The following NCAPH variants were observed in gnomAD, a reference collection of about 807,000 sequenced individuals.
NCAPH encodes the protein condensin complex subunit 2.
A neutral mutation model predicts 85.5 loss-of-function variants in NCAPH; 38 were observed. That is an observed-to-expected ratio of 0.44 (90% CI 0.34 to 0.58). The LOEUF (loss-of-function observed/expected upper bound fraction) is 0.58. Ranked by LOEUF, NCAPH falls within the 20% of genes least tolerant of loss-of-function variation. NCAPH has a pLI of 0.01. For synonymous variants in NCAPH, 301 were observed against 335.1 expected, an observed-to-expected ratio of 0.90 and a Z score of 1.11; for missense variants, 789 against 916.6, an observed-to-expected ratio of 0.86 and a Z score of 1.80.
rs1389807349 is a variant in NCAPH at position 96,371,529 on chromosome 2, G to A, written c.2167-1763G>A. ...GGCTTCACTGAGGTCGTGCTGCTCC[G>A]ACTCCAGCTCTGCACCCCTGCTCTC... On this transcript the variant is annotated intron_variant, in intron 17 of 17. Transcript: ENST00000240423. Among the ~76,000 whole-genome samples the A allele has an allele frequency of 2.6e-5, 4 of 152,188 alleles. No individual in the cohort carries two copies. The East Asian group carries it at 5.8e-4, about 22-fold the overall frequency.
intron 1 of NCAPH, among the ~76,000 whole-genome samples, chr2:96,339,102 C>T (rs62153905): frequency 0.25 from 38,516 of 152,188 alleles, 5,800 homozygotes; most frequent in South Asian, 0.63. Context: ...TGAACCACCG[C>T]GCCCAGCCAC....
intron 1 of NCAPH, among the ~76,000 whole-genome samples, chr2:96,336,525 G>A (rs2064216788): frequency 6.6e-6 from 1 of 152,326 alleles, no homozygotes; most frequent in South Asian, 2.1e-4. Context: ...CCTGGCCTAG[G>A]ACCTGACCAG....
intron 13 of NCAPH, 34 bp from the exon 14 acceptor site, chr2:96,365,842 G>A (rs376416392): frequency 2.0e-5 from 32 of 1,611,588 alleles, no homozygotes; most frequent in East Asian, 8.9e-5. Context: ...CCTCTGCAGC[G>A]TCCACCAAAC....
At chr2:96,338,653 A>C (rs2064248225) in intron 1 of NCAPH, among the ~76,000 whole-genome samples, 2 of 152,180 alleles carry the variant, frequency 1.3e-5, no homozygotes, top group Admixed American at 1.3e-4. Flanking sequence ...GTGATGACAG[A>C]ACAAGAGGTT....
At chr2:96,355,370 A>G (rs1229190840) in intron 9 of NCAPH, among the ~76,000 whole-genome samples, 4 of 152,154 alleles carry the variant, frequency 2.6e-5, no homozygotes, top group African/African-American at 9.7e-5. Flanking sequence ...GATTGGGGAC[A>G]GCCAAGCTGG....
chr2:96,357,132 G>A (rs1425773208), intron 9 of NCAPH, among the ~76,000 whole-genome samples: 5 of 152,190 alleles, frequency 3.3e-5, no homozygotes, highest in South Asian at 4.1e-4. Context: ...CCTACTTCAC[G>A]CATGCGAGAA....
intron 12 of NCAPH, among the ~76,000 whole-genome samples, chr2:96,362,161 A>T (rs1245982557): frequency 1.3e-5 from 2 of 151,964 alleles, no homozygotes; most frequent in African/African-American, 4.8e-5. Flanking sequence ...CTGAGGCTAT[A>T]GTAAGCTATG....
chr2:96,355,981 C>T (rs2064519536), intron 9 of NCAPH, among the ~76,000 whole-genome samples: 1 of 152,130 alleles, frequency 6.6e-6, no homozygotes, highest in African/African-American at 2.4e-5. Context: ...GGGATGAACT[C>T]TTAAAAACAT....
At chr2:96,338,531 TGTGATTAA>T (rs2064246456) in intron 1 of NCAPH, among the ~76,000 whole-genome samples, 2 of 152,236 alleles carry the variant, frequency 1.3e-5, no homozygotes, top group Admixed American at 6.5e-5. Flanking sequence ...ACTTTGCTCA[TGTGATTAA>T]GTTAAGGCTG....
chr2:96,363,116 A>G (rs1052897905), intron 12 of NCAPH, among the ~76,000 whole-genome samples: 2 of 152,248 alleles, frequency 1.3e-5, no homozygotes, highest in African/African-American at 4.8e-5. Context: ...AGTAGCCATC[A>G]ACATTGAGGC....
Position 96,361,040 on chromosome 2 carries a change from CTT to C in NCAPH, c.1587+355_1587+356del, listed in dbSNP as rs760283642. Among the ~76,000 whole-genome samples the C allele has an allele frequency of 3.5e-5, 3 of 86,778 alleles. No individual in the cohort carries two copies. In the Admixed American group the frequency reaches 4.6e-4, roughly 13 times the overall value. The allele number at this position is 86,778 out of a possible 152,430, so 56.9% of individuals were successfully genotyped here. A position where few individuals can be genotyped will look rare whatever the true frequency, so the allele number is the denominator to read the frequency against. On this transcript the variant is annotated intron_variant, in intron 12 of 17. Transcript: ENST00000240423. ...TATTTCTTGATTCCTTTGCTTTCTCCTTTTTTTTTTTTTTTTTTTTTTTTTTG... is the reference window on the plus strand; with the variant it reads ...TATTTCTTGATTCCTTTGCTTTCTCCTTTTTTTTTTTTTTTTTTTTTTTTG...
intron 6 of NCAPH, among the ~76,000 whole-genome samples, 172 bp from the exon 7 acceptor site, chr2:96,351,659 C>T (rs917899237): frequency 6.8e-6 from 1 of 146,396 alleles, no homozygotes; most frequent in African/African-American, 2.5e-5. Context: ...CAGAGCAAGA[C>T]TCCATCTCAA....
chr2:96,352,314 T>G (rs535375740), intron 7 of NCAPH, among the ~76,000 whole-genome samples: 38 of 152,336 alleles, frequency 2.5e-4, no homozygotes, highest in African/African-American at 8.4e-4. Flanking sequence ...TTGGGAGACC[T>G]GGGTTCCTCC....
intron 6 of NCAPH, among the ~76,000 whole-genome samples, chr2:96,346,307 C>T (rs1189036155): frequency 2.6e-5 from 4 of 151,842 alleles, no homozygotes; most frequent in Non-Finnish European, 4.4e-5. Context: ...AGGAGGTGGG[C>T]GAGTACATGA....
In NCAPH at chr2:96,351,823, G is replaced by C. The variant is rs376717521; in HGVS notation, c.721-8G>C. 19 of 1,584,520 alleles carry C rather than the reference G, an allele frequency of 1.2e-5. No homozygotes were observed. Among genetic ancestry groups the C allele is most frequent in the South Asian group, 7.0e-5 (6 of 85,824 alleles). ...TAAATCTTCAGTTTCTTCTCTCTCT[G>C]TGTTCAGATTGATCCCATGTTTCAG... On this transcript the variant is annotated splice_region_variant and splice_polypyrimidine_tract_variant and intron_variant, in intron 6 of 17. Coordinates refer to ENST00000240423, the MANE Select transcript of NCAPH (RefSeq NM_015341.5).
intron 6 of NCAPH, among the ~76,000 whole-genome samples, chr2:96,349,168 C>A (rs146111942): frequency 6.6e-6 from 1 of 152,236 alleles, no homozygotes; most frequent in Non-Finnish European, 1.5e-5. Flanking sequence ...GGGCTGATTT[C>A]GCTAAGCCTG....
chr2:96,355,703 G>A (rs1201101328), intron 9 of NCAPH, among the ~76,000 whole-genome samples: 3 of 150,322 alleles, frequency 2.0e-5, no homozygotes, highest in African/African-American at 4.9e-5. Flanking sequence ...GTGCAGCAGC[G>A]CGATCTCTGC....
At chr2:96,341,062 A>G (rs901280301) in intron 1 of NCAPH, among the ~76,000 whole-genome samples, 22 of 152,226 alleles carry the variant, frequency 1.4e-4, no homozygotes, top group African/African-American at 4.8e-4. Context: ...TAGTGAGGCT[A>G]CATTTGACTG....
At chr2:96,342,652 T>G (rs2064311743) in intron 3 of NCAPH, 104 bp from the exon 4 acceptor site, 1 of 865,788 alleles carries the variant, frequency 1.2e-6, no homozygotes, top group South Asian at 1.6e-5. Context: ...TGACAATATG[T>G]GGGTATTCCT....
Sources: allele counts gnomAD v4.1 joint callset (sites outside exome capture counted in the v4.1 genomes callset), GRCh38; gene constraint gnomAD v4.1.1; transcripts MANE v1.5; gene names NCBI Gene and HGNC (gene_info 2026-07-23, HGNC 2026-07-21).